HPSE2: variants seen among roughly 807,000 people sequenced by gnomAD.
HPSE2 encodes the protein inactive heparanase-2.
A neutral mutation model predicts 60.5 loss-of-function variants in HPSE2; 38 were observed. The observed-to-expected ratio is 0.63, with a 90% CI of 0.48 to 0.82. The LOEUF (loss-of-function observed/expected upper bound fraction) is 0.82, where lower values mean the gene tolerates loss of function less well. Ranked by LOEUF, HPSE2 falls within the 40% of genes least tolerant of loss-of-function variation. HPSE2 has a pLI of 0.00. For synonymous variants in HPSE2, 295 were observed against 293.2 expected (o/e 1.01, Z -0.06); for missense variants, 713 against 740.4 (o/e 0.96, Z 0.43).
At chr10:99,077,458 C>T (rs977973479) in intron 3 of HPSE2, among the ~76,000 whole-genome samples, 1 of 151,720 alleles carries the variant, frequency 6.6e-6, no homozygotes, top group African/African-American at 2.4e-5. Context: ...AATTTGTCTT[C>T]GAGTTTACTG....
intron 6 of HPSE2, among the ~76,000 whole-genome samples, chr10:98,689,700 CAG>C (rs755540167): frequency 1.6e-4 from 25 of 152,212 alleles, no homozygotes; most frequent in Non-Finnish European, 3.1e-4. Context: ...TGATATACTA[CAG>C]AGATAGAAGA....
intron 6 of HPSE2, among the ~76,000 whole-genome samples, chr10:98,682,065 G>A (rs1030321970): frequency 2.0e-5 from 3 of 152,190 alleles, no homozygotes; most frequent in African/African-American, 7.2e-5. Context: ...AATACTCAGT[G>A]TTGGAGTTGG....
chr10:98,542,583 A>C (rs1210065660), intron 9 of HPSE2, among the ~76,000 whole-genome samples: 1 of 152,028 alleles, frequency 6.6e-6, no homozygotes, highest in Non-Finnish European at 1.5e-5. Flanking sequence ...ACTTTGAAAA[A>C]AATTTAGAAG....
chr10:98,999,083 A>G (rs1435466948), intron 3 of HPSE2, among the ~76,000 whole-genome samples: 1 of 152,110 alleles, frequency 6.6e-6, no homozygotes, highest in African/African-American at 2.4e-5. Context: ...TATTGCACTA[A>G]AACACTAATG....
At chr10:98,557,180 T>A (rs1341969872) in intron 9 of HPSE2, among the ~76,000 whole-genome samples, 2 of 151,840 alleles carry the variant, frequency 1.3e-5, no homozygotes, top group Non-Finnish European at 2.9e-5. Context: ...ACCACTGCAC[T>A]CCAGTCTGCG....
chr10:98,721,455 C>T (rs552508939), intron 5 of HPSE2, among the ~76,000 whole-genome samples: 1 of 152,214 alleles, frequency 6.6e-6, no homozygotes, highest in South Asian at 2.1e-4. Context: ...CCACCACCCC[C>T]TGTTGACTAT....
At chr10:98,959,538 A>G (rs1161871804) in intron 3 of HPSE2, among the ~76,000 whole-genome samples, 2 of 152,016 alleles carry the variant, frequency 1.3e-5, no homozygotes, top group African/African-American at 4.8e-5. Context: ...TGTGCCCAAA[A>G]CGTTTTGTGA....
At chr10:98,859,448 G>GA (rs1049064664) in intron 3 of HPSE2, among the ~76,000 whole-genome samples, 1 of 152,150 alleles carries the variant, frequency 6.6e-6, no homozygotes, top group Non-Finnish European at 1.5e-5. Context: ...AGTGAGTGCA[G>GA]AAAGTCCACT....
chr10:98,984,562 G>A (rs1956290251), intron 3 of HPSE2, among the ~76,000 whole-genome samples: 1 of 152,172 alleles, frequency 6.6e-6, no homozygotes, highest in African/African-American at 2.4e-5. Context: ...CAGAAAAACT[G>A]AAAATTCTAA....
At chr10:98,578,778 T>G (rs571552017) in intron 9 of HPSE2, among the ~76,000 whole-genome samples, 1 of 152,306 alleles carries the variant, frequency 6.6e-6, no homozygotes, top group East Asian at 1.9e-4. Context: ...CCTATTCCTC[T>G]TCCCTCATCC....
upstream of HPSE2, among the ~76,000 whole-genome samples, chr10:99,236,112 C>G (rs976639333): frequency 5.1e-4 from 77 of 151,028 alleles, 5 homozygotes; most frequent in Non-Finnish European, 1.5e-5. Context: ...AACTCGTACA[C>G]CGGCACCGCC....
chr10:98,838,132 A>G (rs1167331928), intron 3 of HPSE2, among the ~76,000 whole-genome samples: 2 of 152,104 alleles, frequency 1.3e-5, no homozygotes, highest in Non-Finnish European at 1.5e-5. Flanking sequence ...CTAATCTCCT[A>G]TAGTGGTTTG....
chr10:99,191,391 A>G (rs1253379669), intron 2 of HPSE2, among the ~76,000 whole-genome samples: 1 of 151,948 alleles, frequency 6.6e-6, no homozygotes, highest in Non-Finnish European at 1.5e-5. Flanking sequence ...CCTCTCCCCT[A>G]TCTCAAGGCA....
At chr10:98,888,216 A>G (rs1953228634) in intron 3 of HPSE2, among the ~76,000 whole-genome samples, 1 of 151,686 alleles carries the variant, frequency 6.6e-6, no homozygotes, top group Non-Finnish European at 1.5e-5. Context: ...AAGAAAACGG[A>G]GCAAATAGAT....
intron 2 of HPSE2, among the ~76,000 whole-genome samples, chr10:99,224,680 A>T (rs1849414542): frequency 6.6e-6 from 1 of 152,100 alleles, no homozygotes; most frequent in Admixed American, 6.6e-5. Flanking sequence ...TCCCCATCCC[A>T]TCAGTAGGGA....
intron 3 of HPSE2, among the ~76,000 whole-genome samples, chr10:99,071,356 C>T (rs575503109): frequency 6.2e-4 from 95 of 152,274 alleles, no homozygotes; most frequent in African/African-American, 2.2e-3. Context: ...AGGCATAAGC[C>T]GCCGTGCCTG....
intron 3 of HPSE2, among the ~76,000 whole-genome samples, chr10:98,802,248 C>T (rs1397481150): frequency 6.6e-6 from 1 of 151,834 alleles, no homozygotes; most frequent in Non-Finnish European, 1.5e-5. Context: ...TGGGAAAACT[C>T]TCCAGGACAG....
chr10:99,015,584 T>C (rs910453415), intron 3 of HPSE2, among the ~76,000 whole-genome samples: 16 of 150,690 alleles, frequency 1.1e-4, no homozygotes, highest in East Asian at 2.0e-4. Context: ...AACCAAACAC[T>C]GCATGTTCTC....
chr10:99,263,957 C>T, the HPSE2 span, among the ~76,000 whole-genome samples: 36 of 152,234 alleles, frequency 2.4e-4, no homozygotes, highest in African/African-American at 8.4e-4. Context: ...TGATGAAGTC[C>T]TATTCTTTAC....
Sources: gnomAD v4.1 joint callset for allele counts (sites outside exome capture counted in the v4.1 genomes callset) on GRCh38, gnomAD v4.1.1 for gene constraint, MANE v1.5 for transcripts, NCBI Gene and HGNC (gene_info 2026-07-23, HGNC 2026-07-21) for gene names.